Variants in SNRNP25 observed in about 807,000 individuals in gnomAD.
SNRNP25 encodes U11/U12 small nuclear ribonucleoprotein 25 kDa protein.
Under a neutral mutation model 23.9 loss-of-function variants are expected in SNRNP25, and 21 were observed. The ratio of observed to expected loss-of-function variants is 0.88; its 90% CI spans 0.62 to 1.27. The LOEUF is 1.27. Among genes scored for constraint, SNRNP25 ranks in the 50% most tolerant of loss-of-function variants. SNRNP25 has a pLI of 0.00. For missense variants in SNRNP25, 160 were observed against 156.9 expected, an observed-to-expected ratio of 1.02 and a Z score of -0.11; for synonymous variants, 63 against 60.4, an observed-to-expected ratio of 1.04 and a Z score of -0.20.
In SNRNP25 at chr16:54,048, T is replaced by C. The variant is rs768027637; in HGVS notation, c.32T>C (p.Leu11Pro). The change falls in exon 1 of 5, where the codon CTG becomes CCG. Residue 11 changes from leucine to proline, a missense_variant. Coordinates refer to ENST00000293861, the MANE Select transcript of SNRNP25 (RefSeq NM_024571.4). MVVQDPLLCDLPIQVTLEEVN... is the reference protein window; with the variant it reads MVVQDPLLCDPPIQVTLEEVN... ...GTGCAGGACCCGCTGCTCTGCGATC[T>C]GCCGATCCAGGTGTGTGCGGGCGGG... 3 of 1,606,856 alleles carry C rather than the reference T, an allele frequency of 1.9e-6. No individual in the cohort carries two copies. The highest frequency in any genetic ancestry group is 1.7e-4 in the Middle Eastern group (1 of 6,044).
At chr16:55,070 C>T (rs1348720696) in intron 1 of SNRNP25, 3 of 175,418 alleles carry the variant, frequency 1.7e-5, no homozygotes, top group Non-Finnish European at 3.7e-5. Flanking sequence ...TTGTTATTAC[C>T]GTGTTTTGCT....
Position 57,241 on chromosome 16 carries a change from G to A in SNRNP25, c.*98G>A, listed in dbSNP as rs915783688. On this transcript the variant is annotated 3_prime_UTR_variant, in exon 5 of 5. Transcript: ENST00000293861. ...ATCGTGCCTCTTTCACAGAAAGGAC[G>A]TTGTGGTGGCCTCACCCCAGGCATG... is the stretch of plus-strand genomic sequence containing the variant. 3 of 1,343,746 alleles carry A rather than the reference G, an allele frequency of 2.2e-6. No homozygotes were observed. The highest frequency in any genetic ancestry group is 2.3e-5 in the East Asian group (1 of 43,480). The allele number at this position is 1,343,746 out of a possible 1,614,324, so 83.2% of individuals were successfully genotyped here.
At position 57,481 on chromosome 16, in the gene SNRNP25, A is replaced by C; in HGVS notation, c.*338A>C. On this transcript the variant is annotated 3_prime_UTR_variant, in exon 5 of 5. Coordinates refer to ENST00000293861, the MANE Select transcript of SNRNP25 (RefSeq NM_024571.4). ...AGAAAGCCACAGTAACCTGGGTAGC[A>C]AAGACTGAGATTGCCCCATCACAGA... 1 of 354,172 alleles carries C rather than the reference A, an allele frequency of 2.8e-6. No individual in the cohort carries two copies. The highest frequency in any genetic ancestry group is 5.3e-6 in the Non-Finnish European group (1 of 188,598). The allele number at this position is 354,172 out of a possible 1,614,324, so 21.9% of individuals were successfully genotyped here.
chr16:55,987 G>A (rs1222840819), intron 3 of SNRNP25, 105 bp downstream of exon 3: 2 of 979,512 alleles, frequency 2.0e-6, no homozygotes, highest in Non-Finnish European at 3.1e-6. Context: ...CTCTGCATGA[G>A]TACAGCACCA....
At chr16:54,794 G>A (rs1215770815) in intron 1 of SNRNP25, among the ~76,000 whole-genome samples, 1 of 151,844 alleles carries the variant, frequency 6.6e-6, no homozygotes, top group Non-Finnish European at 1.5e-5. Context: ...TCGACTCACT[G>A]CAACCTCCCC....
At chr16:55,926 T>C (rs1301387057) in intron 3 of SNRNP25, 44 bp downstream of exon 3, 2 of 1,561,596 alleles carry the variant, frequency 1.3e-6, no homozygotes, top group African/African-American at 1.4e-5. Context: ...TTCGTGGGGC[T>C]AGTGCCCTTC....
At chr16:55,743 A>G (rs747021377) in intron 2 of SNRNP25, 34 bp from the exon 3 acceptor site, 25 of 1,610,622 alleles carry the variant, frequency 1.6e-5, no homozygotes, top group African/African-American at 2.7e-5. Context: ...GGTTCTCACC[A>G]TGGATCTTCT....
At chr16:56,000 G>C (rs893563877) in intron 3 of SNRNP25, 118 bp downstream of exon 3, 10 of 880,272 alleles carry the variant, frequency 1.1e-5, no homozygotes, top group Admixed American at 4.4e-5. Flanking sequence ...CAGCACCACT[G>C]AAGTGATGAG....
At chr16:54,610 G>C (rs1254195009) in intron 1 of SNRNP25, among the ~76,000 whole-genome samples, 1 of 152,072 alleles carries the variant, frequency 6.6e-6, no homozygotes, top group African/African-American at 2.4e-5. Context: ...GAAAAATTTA[G>C]TTTTAAATAA....
At chr16:55,171 G>A in intron 1 of SNRNP25, 1 of 391,180 alleles carries the variant, frequency 2.6e-6, no homozygotes. Context: ...TGAACTGACA[G>A]GCCTCTACCC....
At chr16:57,042 T>C in intron 4 of SNRNP25, 44 bp from the exon 5 acceptor site, 1 of 1,600,762 alleles carries the variant, frequency 6.2e-7, no homozygotes, top group Non-Finnish European at 8.6e-7. Flanking sequence ...CACAGATATG[T>C]CCTTCTGTAG....
Position 57,474 on chromosome 16 carries a change from G to A in SNRNP25, c.*331G>A, listed in dbSNP as rs1470648898. 2.7e-6 allele frequency: 1 copy of A among 365,650 alleles called. No individual in the cohort carries two copies. Among genetic ancestry groups the A allele is most frequent in the Admixed American group, 3.9e-5 (1 of 25,474 alleles). 22.7% of individuals were successfully genotyped at this position (365,650 alleles called of 1,614,324 possible). On this transcript the variant is annotated 3_prime_UTR_variant, in exon 5 of 5. Transcript: ENST00000293861. ...GAAAAGTAGAAAGCCACAGTAACCT[G>A]GGTAGCAAAGACTGAGATTGCCCCA...
chr16:53,941 G>T lies in SNRNP25; in HGVS notation c.-76G>T, dbSNP rs1897374107. 6.3e-7 allele frequency: 1 copy of T among 1,576,922 alleles called. No individual in the cohort carries two copies. Among genetic ancestry groups the T allele is most frequent in the African/African-American group, 1.3e-5 (1 of 74,524 alleles). On this transcript the variant is annotated 5_prime_UTR_variant, in exon 1 of 5. Transcript: ENST00000293861. ...CGGAGGCCGCGGGTGGGCCCGAGGC[G>T]CAAGAGGAAGATGAGGACGAAGAAG... is the stretch of plus-strand genomic sequence containing the variant.
In SNRNP25 at chr16:53,917, G is replaced by C; in HGVS notation, c.-100G>C. ...TGAGAGGGGCGGCCCTGGAGGAGAC[G>C]GAGGCCGCGGGTGGGCCCGAGGCGC... is the stretch of plus-strand genomic sequence containing the variant. On this transcript the variant is annotated 5_prime_UTR_variant, in exon 1 of 5. Coordinates refer to ENST00000293861, the MANE Select transcript of SNRNP25 (RefSeq NM_024571.4). 3 of 1,539,018 alleles carry C rather than the reference G, an allele frequency of 1.9e-6. No homozygotes were observed. The highest frequency in any genetic ancestry group is 2.6e-6 in the Non-Finnish European group (3 of 1,136,772).
chr16:57,148 C>T lies in SNRNP25; in HGVS notation c.*5C>T, dbSNP rs377233398. ...AAAAAGCTGAGGCAAAAGTGAGCCT[C>T]CAGACAGGACAACCCTCTTCATCAC... On this transcript the variant is annotated 3_prime_UTR_variant, in exon 5 of 5. Coordinates refer to ENST00000293861, the MANE Select transcript of SNRNP25 (RefSeq NM_024571.4). The T allele has an allele frequency of 6.2e-7, 1 of 1,613,996 alleles. No homozygotes were observed. Among genetic ancestry groups the T allele is most frequent in the African/African-American group, 1.3e-5 (1 of 75,056 alleles).
At position 55,451 on chromosome 16, in the gene SNRNP25, T is replaced by C. The variant is rs757236925; in HGVS notation, c.43-8T>C. Reference sequence around the variant, plus strand: ...AGGGTTCCCACTTCTGCCCTTGGTCTTTTGTAGGTTACTCTGGAAGAAGTC... The same window carrying C: ...AGGGTTCCCACTTCTGCCCTTGGTCCTTTGTAGGTTACTCTGGAAGAAGTC... On this transcript the variant is annotated splice_polypyrimidine_tract_variant and splice_region_variant and intron_variant, in intron 1 of 4. Coordinates refer to ENST00000293861, the MANE Select transcript of SNRNP25 (RefSeq NM_024571.4). 1.2e-6 allele frequency: 2 copies of C among 1,613,942 alleles called. No individual in the cohort carries two copies. Among genetic ancestry groups the C allele is most frequent in the Admixed American group, 3.3e-5 (2 of 60,016 alleles).
At chr16:54,716 A>T (rs979858141) in intron 1 of SNRNP25, among the ~76,000 whole-genome samples, 1 of 151,494 alleles carries the variant, frequency 6.6e-6, no homozygotes, top group Non-Finnish European at 1.5e-5. Flanking sequence ...CTGTCTTTTT[A>T]TTTATTTATT....
Position 57,300 on chromosome 16 carries a change from C to T in SNRNP25, c.*157C>T. 1 of 757,590 alleles carries T rather than the reference C, an allele frequency of 1.3e-6. No individual in the cohort carries two copies. Among genetic ancestry groups the T allele is most frequent in the East Asian group, 2.6e-5 (1 of 38,826 alleles). 46.9% of individuals were successfully genotyped at this position (757,590 alleles called of 1,614,324 possible). On this transcript the variant is annotated 3_prime_UTR_variant, in exon 5 of 5. Coordinates refer to ENST00000293861, the MANE Select transcript of SNRNP25 (RefSeq NM_024571.4). ...TAACTGTCAGCATAAACCTGGGGGC[C>T]CTCAGGACTAGGACAGGGTGAGCCA...
Position 55,874 on chromosome 16 carries a change from C to A in SNRNP25, c.231C>A (p.His77Gln), listed in dbSNP as rs1316078831. 6.2e-7 allele frequency: 1 copy of A among 1,613,886 alleles called. No individual in the cohort carries two copies. Among genetic ancestry groups the A allele is most frequent in the Non-Finnish European group, 8.5e-7 (1 of 1,179,886 alleles). Residue 77 changes from histidine (H) to glutamine (Q), a missense_variant, in exon 3 of 5, where the codon CAC (histidine) becomes CAA (glutamine). Coordinates refer to ENST00000293861, the MANE Select transcript of SNRNP25 (RefSeq NM_024571.4). ...AGGAGCGTGAAGGGGGCATTCAGCA[C>A]ATCAGCTGGTAAGTGGAACAACATT... The part of the protein sequence containing the change: ...LKQEREGGIQ[H>Q]ISWSYVWRTY...
Sources: gnomAD v4.1 joint callset for allele counts (sites outside exome capture counted in the v4.1 genomes callset) on GRCh38, gnomAD v4.1.1 for gene constraint, MANE v1.5 for transcripts, NCBI Gene and HGNC (gene_info 2026-07-23, HGNC 2026-07-21) for gene names.